Variants in C16orf92 observed in about 807,000 individuals in gnomAD.
The protein encoded by C16orf92 is fertilization-influencing membrane protein.
In C16orf92, 14 loss-of-function variants were observed where a neutral mutation model predicts 13.7. That is an observed-to-expected ratio of 1.02 (90% CI 0.67 to 1.60). C16orf92 has a LOEUF of 1.60. Among genes scored for constraint, C16orf92 ranks in the 40% most tolerant of loss-of-function variants. The probability of loss-of-function intolerance (pLI) is 0.00; values close to 1 mark genes in which losing one functional copy is unlikely to be tolerated. For missense variants in C16orf92, 116 were observed against 139.0 expected, an observed-to-expected ratio of 0.83 and a Z score of 0.83; for synonymous variants, 50 against 57.4, an observed-to-expected ratio of 0.87 and a Z score of 0.58.
Position 30,024,342 on chromosome 16 carries a change from G to T in C16orf92, c.*115G>T. The T allele has an allele frequency of 7.3e-7, 1 of 1,367,904 alleles. No homozygotes were observed. The highest frequency in any genetic ancestry group is 2.4e-5 in the East Asian group (1 of 41,174). 84.7% of individuals were successfully genotyped at this position (1,367,904 alleles called of 1,614,324 possible). ...CCTGACTGCCCAGCGAGCAGCTGGG[G>T]ATCCTGTCCCCTCTGTTTCCCATGG... On this transcript the variant is annotated 3_prime_UTR_variant, in exon 4 of 4. Transcript: ENST00000681219.
At chr16:30,026,370 C>T (rs1421233843), downstream of C16orf92, among the ~76,000 whole-genome samples, 1 of 152,168 alleles carries the variant, frequency 6.6e-6, no homozygotes, top group African/African-American at 2.4e-5. Flanking sequence ...AGACGTGCAA[C>T]CACAAATCCA....
chr16:30,027,481 A>G (rs2150978412), downstream of C16orf92: 4 of 436,826 alleles, frequency 9.2e-6, no homozygotes, highest in South Asian at 6.4e-5. Context: ...CATCCCCACC[A>G]TCCCCAGAAG....
rs370930128 is a variant in C16orf92 at position 30,023,657 on chromosome 16, C to T, written c.65-70C>T. The T allele has an allele frequency of 3.1e-6, 5 of 1,613,638 alleles. No homozygotes were observed. The East Asian group carries it at 8.9e-5, about 29-fold the overall frequency. The stretch of plus-strand genomic sequence containing the variant: ...TGGGTGGTCTCACAGGGTCCCAAGT[C>T]AGCTTCCGCCTCGAGAGATAAAGGC... On this transcript the variant is annotated intron_variant, in intron 1 of 3. Transcript: ENST00000681219.
chr16:30,025,536 T>A, downstream of C16orf92: 1 of 1,588,000 alleles, frequency 6.3e-7, no homozygotes, highest in Non-Finnish European at 8.6e-7. This position sits in a 1 kb window ranked among gnomAD's most constrained non-coding sequence, Gnocchi z 4.1. Context: ...TCTCCCTGCC[T>A]CCCTGCGACC....
downstream of C16orf92, among the ~76,000 whole-genome samples, chr16:30,026,350 T>C (rs1307110800): frequency 6.6e-6 from 1 of 152,044 alleles, no homozygotes; most frequent in Non-Finnish European, 1.5e-5. Context: ...GTGAGGAAAC[T>C]GAGGCTCAGA....
At chr16:30,026,978 A>G, downstream of C16orf92, 1 of 763,462 alleles carries the variant, frequency 1.3e-6, no homozygotes. Context: ...TCCAGAGGGT[A>G]GAGGGTGAGA....
downstream of C16orf92, chr16:30,025,122 C>T: frequency 8.4e-7 from 1 of 1,193,026 alleles, no homozygotes; most frequent in Non-Finnish European, 1.1e-6. This position sits in a 1 kb window ranked among gnomAD's most constrained non-coding sequence, Gnocchi z 4.1. Context: ...CAGCCATCAG[C>T]CCCAGAGCCC....
downstream of C16orf92, among the ~76,000 whole-genome samples, chr16:30,026,041 G>A (rs1017741832): frequency 1.1e-4 from 17 of 152,074 alleles, no homozygotes; most frequent in Admixed American, 2.6e-4. Flanking sequence ...AGACCAGCCT[G>A]GCCAACATGG....
chr16:30,025,153 T>G (rs1287673323), downstream of C16orf92: 23 of 1,283,156 alleles, frequency 1.8e-5, no homozygotes, highest in Admixed American at 3.1e-5. The surrounding 1 kb of genome is among the most constrained non-coding windows in gnomAD (Gnocchi z 4.1). Flanking sequence ...GGGGTGGGGG[T>G]GGGGAGGGGG....
downstream of C16orf92, chr16:30,026,927 C>T: frequency 1.7e-6 from 2 of 1,147,656 alleles, no homozygotes; most frequent in South Asian, 2.7e-5. Flanking sequence ...GTCAGCACAG[C>T]AGCCCTGGAC....
downstream of C16orf92, chr16:30,025,353 C>T (rs1794589305): frequency 1.3e-6 from 2 of 1,594,650 alleles, no homozygotes; most frequent in Non-Finnish European, 1.7e-6. This position sits in a 1 kb window ranked among gnomAD's most constrained non-coding sequence, Gnocchi z 4.1. Context: ...GGCAGGCCGG[C>T]ATGGCGCCCG....
At chr16:30,025,782 T>A (rs749900654), downstream of C16orf92, 16 of 1,614,100 alleles carry the variant, frequency 9.9e-6, no homozygotes, top group Non-Finnish European at 1.4e-5. This position sits in a 1 kb window ranked among gnomAD's most constrained non-coding sequence, Gnocchi z 4.1. Flanking sequence ...GCCATCAACA[T>A]GCAACCCAGA....
At chr16:30,025,019 C>A, downstream of C16orf92, 7 of 551,752 alleles carry the variant, frequency 1.3e-5, no homozygotes, top group East Asian at 3.2e-5. The surrounding 1 kb of genome is among the most constrained non-coding windows in gnomAD (Gnocchi z 4.1). Flanking sequence ...CCTCTCTCCA[C>A]CCCCTCAGTC....
At chr16:30,023,910 CT>C in intron 2 of C16orf92, 25 bp downstream of exon 2, 2 of 1,600,164 alleles carry the variant, frequency 1.2e-6, no homozygotes, top group Non-Finnish European at 1.7e-6. Flanking sequence ...GAGAAGGGAC[CT>C]CCCTCCCCGC....
rs370643656 is a variant in C16orf92 at position 30,023,778 on chromosome 16, G to C, written c.116G>C (p.Arg39Pro). 7 of 1,614,004 alleles carry C rather than the reference G, an allele frequency of 4.3e-6. No homozygotes were observed. Among genetic ancestry groups the C allele is most frequent in the Non-Finnish European group, 5.9e-6 (7 of 1,180,012 alleles). The part of the protein sequence containing the change: ...TASALGTESP[R>P]FLDRPDFFDY... The stretch of plus-strand genomic sequence containing the variant: ...TCAGCCCTGGGGACAGAGTCTCCGC[G>C]CTTCTTAGACAGACCTGACTTCTTC... The change falls in exon 2 of 4, where the codon CGC becomes CCC. Residue 39 changes from arginine to proline, a missense_variant. Coordinates refer to ENST00000681219, the MANE Select transcript of C16orf92 (RefSeq NM_001109659.2).
At chr16:30,025,197 G>C, downstream of C16orf92, 1 of 1,476,698 alleles carries the variant, frequency 6.8e-7, no homozygotes, top group Non-Finnish European at 8.9e-7. This position sits in a 1 kb window ranked among gnomAD's most constrained non-coding sequence, Gnocchi z 4.1. Context: ...TCCTGGGCCT[G>C]GCAGGCCGGG....
At chr16:30,026,733 C>T, downstream of C16orf92, 1 of 1,614,116 alleles carries the variant, frequency 6.2e-7, no homozygotes, top group Non-Finnish European at 8.5e-7. Flanking sequence ...TCCGTCGTCC[C>T]CTCCATGCCC....
Position 30,024,353 on chromosome 16 carries a change from C to T in C16orf92, c.*126C>T. ...AGCGAGCAGCTGGGGATCCTGTCCC[C>T]TCTGTTTCCCATGGCCCAAGCCCCC... On this transcript the variant is annotated 3_prime_UTR_variant, in exon 4 of 4. Coordinates refer to ENST00000681219, the MANE Select transcript of C16orf92 (RefSeq NM_001109659.2). 2 of 1,314,844 alleles carry T rather than the reference C, an allele frequency of 1.5e-6. No individual in the cohort carries two copies. The highest frequency in any genetic ancestry group is 1.4e-5 in the South Asian group (1 of 70,942). 81.4% of individuals were successfully genotyped at this position (1,314,844 alleles called of 1,614,324 possible).
At chr16:30,027,695 T>C (rs1383436974), downstream of C16orf92, 1 of 454,770 alleles carries the variant, frequency 2.2e-6, no homozygotes, top group Non-Finnish European at 4.4e-6. Flanking sequence ...AAACGAGAAA[T>C]GGATGAATAG....
Sources: allele counts gnomAD v4.1 joint callset (sites outside exome capture counted in the v4.1 genomes callset), GRCh38; gene constraint gnomAD v4.1.1; non-coding constraint Gnocchi (gnomAD v3.1); transcripts MANE v1.5; gene names NCBI Gene and HGNC (gene_info 2026-07-23, HGNC 2026-07-21).